The following PUDP variants were observed in gnomAD, a reference collection of about 807,000 sequenced individuals.
PUDP encodes pseudouridine 5'-phosphatase.
PUDP carries 8 observed loss-of-function variants against 9.4 expected under a neutral mutation model. The observed-to-expected ratio is 0.85, with a 90% confidence interval of 0.50 to 1.53. PUDP has a LOEUF of 1.53. PUDP is among the 40% of genes most tolerant of loss of function. PUDP has a pLI of 0.00. For missense variants in PUDP, 188 were observed against 189.7 expected, an observed-to-expected ratio of 0.99 and a Z score of 0.05; for synonymous variants, 99 against 80.7, an observed-to-expected ratio of 1.23 and a Z score of -1.22.
intron 3 of PUDP, among the ~76,000 whole-genome samples, chrX:6,875,428 G>A (rs987855827): frequency 2.7e-5 from 3 of 111,308 alleles, no homozygotes; most frequent in Non-Finnish European, 5.7e-5. Flanking sequence ...TCCCACACAT[G>A]AGCACACATT....
At chrX:7,036,895 G>A (rs1483533213) in intron 1 of PUDP, among the ~76,000 whole-genome samples, 1 of 111,400 alleles carries the variant, frequency 9.0e-6, no homozygotes, top group Non-Finnish European at 1.9e-5. Flanking sequence ...GCCTTATATT[G>A]CTTCTTTAAA....
At chrX:6,843,268 G>A (rs1196262490) in intron 3 of PUDP, among the ~76,000 whole-genome samples, 1 of 111,840 alleles carries the variant, frequency 8.9e-6, no homozygotes, top group Non-Finnish European at 1.9e-5. Flanking sequence ...GGGAATGTAA[G>A]ACATAATTCT....
At chrX:6,724,943 AAAG>A (rs1239418588), upstream of PUDP, among the ~76,000 whole-genome samples, 4 of 112,057 alleles carry the variant, frequency 3.6e-5, no homozygotes, top group East Asian at 5.6e-4. Context: ...CTTGAAAGAA[AAAG>A]AAGGAGTTCT....
At chrX:6,905,742 C>T (rs1488109055) in intron 3 of PUDP, among the ~76,000 whole-genome samples, 1 of 111,295 alleles carries the variant, frequency 9.0e-6, no homozygotes, top group Non-Finnish European at 1.9e-5. Context: ...CCAGAGACTT[C>T]GGTGTACAAA....
At chrX:7,093,151 T>G (rs1292039241) in intron 2 of PUDP, among the ~76,000 whole-genome samples, 1 of 111,503 alleles carries the variant, frequency 9.0e-6, no homozygotes, top group African/African-American at 3.3e-5. Flanking sequence ...CATTAAATGC[T>G]AAAACCTCCA....
At chrX:6,744,922 A>G (rs1924982011) in intron 3 of PUDP, among the ~76,000 whole-genome samples, 1 of 112,451 alleles carries the variant, frequency 8.9e-6, no homozygotes, top group Admixed American at 9.5e-5. Context: ...ATCATAATAA[A>G]TAGTAAAAAG....
At chrX:7,098,385 A>C (rs1380894845) in intron 2 of PUDP, among the ~76,000 whole-genome samples, 1 of 111,395 alleles carries the variant, frequency 9.0e-6, no homozygotes, top group Non-Finnish European at 1.9e-5. Context: ...GTGACAGAGG[A>C]ATGGAAGAGC....
intron 3 of PUDP, among the ~76,000 whole-genome samples, chrX:6,808,753 C>G (rs1379756576): frequency 8.9e-6 from 1 of 112,181 alleles, no homozygotes; most frequent in Non-Finnish European, 1.9e-5. Flanking sequence ...TAGATGTAAC[C>G]TGACCCACCC....
rs1200110387 is a variant in PUDP at position 7,027,849 on chromosome X, CTATA to C, written c.204+49367_204+49370del. On this transcript the variant is annotated intron_variant and NMD_transcript_variant, in intron 1 of 3. Transcript: ENST00000655425. ...GAATATACTATATTCTATATATAGA[CTATA>C]TATAGACTATATATATAGAATATAT... Among the ~76,000 whole-genome samples, 6 of 85,660 alleles carry C rather than the reference CTATA, an allele frequency of 7.0e-5. No homozygotes were observed. The Admixed American group carries it at 8.0e-4, about 11-fold the overall frequency. 74.4% of individuals were successfully genotyped at this position (85,660 alleles called of 115,157 possible). A position where few individuals can be genotyped will look rare whatever the true frequency, so the allele number is the denominator to read the frequency against.
intron 3 of PUDP, among the ~76,000 whole-genome samples, chrX:6,835,106 G>T (rs112810063): frequency 0.11 from 11,900 of 110,783 alleles, 671 homozygotes; most frequent in African/African-American, 0.21. Context: ...ATCTGAAGCA[G>T]GAGAAGAATT....
intron 3 of PUDP, among the ~76,000 whole-genome samples, chrX:6,827,167 G>A (rs1193545332): frequency 8.9e-6 from 1 of 112,087 alleles, no homozygotes; most frequent in Non-Finnish European, 1.9e-5. Context: ...ATAAACCTCA[G>A]TGTTGTTAGT....
At chrX:6,914,366 T>G (rs1449290484) in intron 3 of PUDP, among the ~76,000 whole-genome samples, 3 of 111,229 alleles carry the variant, frequency 2.7e-5, no homozygotes, top group Non-Finnish European at 5.6e-5. Context: ...TACAGAATCA[T>G]GGACCTAGAC....
intron 2 of PUDP, among the ~76,000 whole-genome samples, chrX:7,094,703 T>C (rs1931524658): frequency 9.0e-6 from 1 of 111,496 alleles, no homozygotes. Context: ...AGAATTTTCA[T>C]TTACATTTAC....
chrX:6,992,013 T>C (rs12687278), intron 1 of PUDP, among the ~76,000 whole-genome samples: 1 of 110,875 alleles, frequency 9.0e-6, no homozygotes, highest in African/African-American at 3.3e-5. Context: ...ATGCATGAGG[T>C]CTAAATGTTC....
intron 3 of PUDP, among the ~76,000 whole-genome samples, chrX:6,822,592 A>T (rs1240696565): frequency 9.0e-6 from 1 of 110,915 alleles, no homozygotes; most frequent in Non-Finnish European, 1.9e-5. Context: ...ATGCCTGGCT[A>T]ATTTTTGTAT....
At chrX:6,827,491 C>T (rs1006952834) in intron 3 of PUDP, among the ~76,000 whole-genome samples, 8 of 111,310 alleles carry the variant, frequency 7.2e-5, no homozygotes, top group Non-Finnish European at 1.5e-4. Context: ...GTCATTTACT[C>T]GGAGTTTGCC....
In PUDP at chrX:7,104,453, T is replaced by C. The variant is rs975995596; in HGVS notation, c.280+1167A>G. Among the ~76,000 whole-genome samples, 3 of 111,998 alleles carry C rather than the reference T, an allele frequency of 2.7e-5. No homozygotes were observed. In the East Asian group the frequency reaches 8.4e-4, roughly 31 times the overall value. On this transcript the variant is annotated intron_variant, in intron 2 of 3. Transcript: ENST00000381077. ...AGCACGAAGTTTCAGATTTGCAAGA[T>C]GAAAAAGTTCTGGAGGTCAATTGTA...
chrX:6,873,883 C>T (rs1338462467), intron 3 of PUDP, among the ~76,000 whole-genome samples: 3 of 112,132 alleles, frequency 2.7e-5, no homozygotes, highest in African/African-American at 9.7e-5. Flanking sequence ...GGTTTAAACA[C>T]TTCTAGCAGA....
chrX:6,872,240 T>G (rs768519627), intron 3 of PUDP, among the ~76,000 whole-genome samples: 4 of 111,662 alleles, frequency 3.6e-5, no homozygotes, highest in Non-Finnish European at 7.5e-5. Flanking sequence ...GTGAGGCCTC[T>G]CTCCTTGGCT....
Sources: allele counts gnomAD v4.1 joint callset (sites outside exome capture counted in the v4.1 genomes callset), GRCh38; gene constraint gnomAD v4.1.1; transcripts MANE v1.5; gene names NCBI Gene and HGNC (gene_info 2026-07-23, HGNC 2026-07-21).